SLC41A3: variants seen among roughly 807,000 people sequenced by gnomAD.
The protein encoded by SLC41A3 is SLC41A1-like 2.
SLC41A3 carries 44 observed loss-of-function variants against 45.4 expected under a neutral mutation model. The ratio of observed to expected loss-of-function variants is 0.97; its 90% CI spans 0.76 to 1.25. SLC41A3 has a LOEUF of 1.25. SLC41A3 is among the 50% of genes most tolerant of loss of function. The pLI is 0.00. For synonymous variants in SLC41A3, 256 were observed against 252.4 expected (o/e 1.01, Z -0.13); for missense variants, 550 against 600.6 (o/e 0.92, Z 0.88).
chr3:126,013,789 A>G (rs1335895661), intron 8 of SLC41A3, among the ~76,000 whole-genome samples: 3 of 152,038 alleles, frequency 2.0e-5, no homozygotes, highest in Non-Finnish European at 4.4e-5. Flanking sequence ...ACATTCATAG[A>G]TGCTTTGGGT....
chr3:126,020,894 T>G (rs7614491), intron 6 of SLC41A3, among the ~76,000 whole-genome samples: 19,974 of 136,246 alleles, frequency 0.15, 1,345 homozygotes, highest in South Asian at 0.22. Flanking sequence ...TTGTTTAGAG[T>G]TTTTTTTTTT....
At position 126,006,665 on chromosome 3, in the gene SLC41A3, G is replaced by A. The variant is rs1388532302; in HGVS notation, c.*351C>T. ...ACCCCAATCTGGGTTGCATGGGCAT[G>A]GAAAAGAGCAAACACACCCTGCAAA... On this transcript the variant is annotated 3_prime_UTR_variant, in exon 11 of 11. Transcript: ENST00000360370. 7 of 1,490,748 alleles carry A rather than the reference G, an allele frequency of 4.7e-6. No individual in the cohort carries two copies. The East Asian group carries it at 9.4e-5, about 20-fold the overall frequency. 92.3% of individuals were successfully genotyped at this position (1,490,748 alleles called of 1,614,324 possible). A position where few individuals can be genotyped will look rare whatever the true frequency, so the allele number is the denominator to read the frequency against.
At chr3:126,094,328 G>C (rs1016034947) in intron 1 of SLC41A3, among the ~76,000 whole-genome samples, 3 of 152,192 alleles carry the variant, frequency 2.0e-5, no homozygotes, top group Non-Finnish European at 2.9e-5. Context: ...CCTTTAAAAT[G>C]GTTAACAGAT....
intron 2 of SLC41A3, among the ~76,000 whole-genome samples, chr3:126,064,348 T>G (rs561623341): frequency 6.6e-6 from 1 of 152,056 alleles, no homozygotes; most frequent in Non-Finnish European, 1.5e-5. Flanking sequence ...ATTACGCATA[T>G]AGTCAGGAAT....
intron 5 of SLC41A3, chr3:126,025,107 A>C (rs1399785396): frequency 3.3e-5 from 5 of 152,226 alleles, no homozygotes; most frequent in South Asian, 2.1e-4. Flanking sequence ...CCTGAGCTAG[A>C]ATATAAAATC....
chr3:126,020,745 T>G (rs544265053), intron 6 of SLC41A3, among the ~76,000 whole-genome samples: 1 of 152,338 alleles, frequency 6.6e-6, no homozygotes, highest in Admixed American at 6.5e-5. Context: ...CTCTGAAGCC[T>G]GCTACCTGAA....
chr3:126,032,200 A>G (rs1941849237), intron 4 of SLC41A3, among the ~76,000 whole-genome samples: 1 of 152,170 alleles, frequency 6.6e-6, no homozygotes, highest in African/African-American at 2.4e-5. Context: ...GGACGAGAGG[A>G]GCCAGTGAAG....
intron 2 of SLC41A3, among the ~76,000 whole-genome samples, chr3:126,061,144 G>T (rs964707905): frequency 1.3e-5 from 2 of 152,186 alleles, no homozygotes; most frequent in South Asian, 2.1e-4. Flanking sequence ...ATTTCTCAGG[G>T]TCACCTTGAC....
At chr3:126,047,725 C>T (rs1472058717) in intron 3 of SLC41A3, among the ~76,000 whole-genome samples, 1 of 151,652 alleles carries the variant, frequency 6.6e-6, no homozygotes, top group African/African-American at 2.4e-5. Context: ...TATGTTACAC[C>T]ATGTACAAAA....
chr3:126,032,121 G>C (rs964388044), intron 4 of SLC41A3, among the ~76,000 whole-genome samples: 6 of 152,220 alleles, frequency 3.9e-5, no homozygotes, highest in African/African-American at 1.4e-4. Flanking sequence ...GAAGATGCAC[G>C]GCAGGGAGGT....
intron 3 of SLC41A3, among the ~76,000 whole-genome samples, chr3:126,035,276 A>G (rs533191004): frequency 1.4e-4 from 22 of 152,308 alleles, no homozygotes; most frequent in African/African-American, 3.6e-4. Context: ...GTGGATGCTG[A>G]AACCTTCCAG....
At chr3:126,094,872 C>T (rs995892044) in intron 1 of SLC41A3, among the ~76,000 whole-genome samples, 6 of 152,172 alleles carry the variant, frequency 3.9e-5, no homozygotes, top group Admixed American at 6.5e-5. Context: ...ATTCTTCATA[C>T]GTGGTTCATT....
At chr3:126,015,140 G>A (rs544478280) in intron 8 of SLC41A3, among the ~76,000 whole-genome samples, 4 of 152,338 alleles carry the variant, frequency 2.6e-5, no homozygotes, top group South Asian at 4.1e-4. Flanking sequence ...AAGAGCCAGC[G>A]CCCCGGTTCT....
chr3:126,073,138 G>A (rs1201721922), intron 1 of SLC41A3: 3 of 152,060 alleles, frequency 2.0e-5, no homozygotes, highest in Non-Finnish European at 2.9e-5. Flanking sequence ...GGAGAAAGAG[G>A]ATCAAAAAAA....
chr3:126,082,017 C>T (rs2108099011), intron 1 of SLC41A3, among the ~76,000 whole-genome samples: 1 of 152,384 alleles, frequency 6.6e-6, no homozygotes, highest in East Asian at 1.9e-4. Flanking sequence ...GAAGGCCTGG[C>T]CAGGGTGACC....
At chr3:126,070,677 G>T (rs1944575882) in intron 1 of SLC41A3, among the ~76,000 whole-genome samples, 1 of 152,094 alleles carries the variant, frequency 6.6e-6, no homozygotes, top group South Asian at 2.1e-4. Flanking sequence ...GAAATTAAGA[G>T]ATTTTCAGAT....
intron 2 of SLC41A3, among the ~76,000 whole-genome samples, chr3:126,061,985 C>T (rs1243905494): frequency 1.3e-5 from 2 of 152,210 alleles, no homozygotes; most frequent in African/African-American, 4.8e-5. Context: ...GTCTGACTTA[C>T]AAATTGGCTT....
upstream of SLC41A3, among the ~76,000 whole-genome samples, chr3:126,086,406 TTG>T (rs1945389590): frequency 1.9e-5 from 2 of 106,930 alleles, no homozygotes; most frequent in Admixed American, 9.2e-5. Context: ...CTTTGTTTTC[TTG>T]TTTTTTTTTT....
At chr3:126,036,955 C>T (rs897760280) in intron 3 of SLC41A3, among the ~76,000 whole-genome samples, 18 of 152,256 alleles carry the variant, frequency 1.2e-4, no homozygotes, top group African/African-American at 4.3e-4. Flanking sequence ...CCAACCTCTC[C>T]TGATAATACT....
Sources: gnomAD v4.1 joint callset for allele counts (sites outside exome capture counted in the v4.1 genomes callset) on GRCh38, gnomAD v4.1.1 for gene constraint, MANE v1.5 for transcripts, NCBI Gene and HGNC (gene_info 2026-07-23, HGNC 2026-07-21) for gene names.